Variants in RBFOX1 observed in about 807,000 individuals in gnomAD.
The protein encoded by RBFOX1 is RNA binding protein fox-1 homolog 1.
RBFOX1 carries 8 observed loss-of-function variants against 57.7 expected under a neutral mutation model. The ratio of observed to expected loss-of-function variants is 0.14; its 90% confidence interval spans 0.08 to 0.25. RBFOX1 has a LOEUF of 0.25. RBFOX1 is among the 10% of genes least tolerant of loss of function. The pLI, the probability that RBFOX1 is intolerant of heterozygous loss-of-function variation, is 1.00. For missense variants in RBFOX1, 611 were observed against 548.5 expected (o/e 1.11, Z -1.14); for synonymous variants, 326 against 222.4 (o/e 1.47, Z -4.15).
rs143922106 is a variant in RBFOX1 at position 6,297,624 on chromosome 16, G to T, written c.-126-19371G>T. 4.3e-3 allele frequency among the ~76,000 whole-genome samples: 658 copies of T among 152,182 alleles called. 5 individuals carry two copies. Among genetic ancestry groups the T allele is most frequent in the African/African-American group, 0.015 (640 of 41,518 alleles). On this transcript the variant is annotated intron_variant, in intron 1 of 15. Coordinates refer to ENST00000550418, the MANE Select transcript of RBFOX1 (RefSeq NM_018723.4). ...TTCACCCTCAAGCCTGGATACTTGT[G>T]GCCTTAAATAGCAACAGACATTCCT...
chr16:6,068,384 C>T (rs923106970), intron 1 of RBFOX1, among the ~76,000 whole-genome samples: 5 of 152,168 alleles, frequency 3.3e-5, no homozygotes, highest in African/African-American at 1.2e-4. Flanking sequence ...AGAGCCAGTG[C>T]CTTTATACAA....
At chr16:7,021,740 T>G (rs1435083167) in intron 3 of RBFOX1, among the ~76,000 whole-genome samples, 2 of 150,748 alleles carry the variant, frequency 1.3e-5, no homozygotes, top group East Asian at 3.9e-4. Context: ...AAAATGACCC[T>G]AAAAACAAGA....
At chr16:5,848,549 A>G (rs1454254431) in intron 3 of RBFOX1, among the ~76,000 whole-genome samples, 1 of 152,236 alleles carries the variant, frequency 6.6e-6, no homozygotes, top group Admixed American at 6.5e-5. Flanking sequence ...TATACCCAGC[A>G]CAATCATCCT....
chr16:6,386,836 G>A (rs1452393383), intron 2 of RBFOX1, among the ~76,000 whole-genome samples: 2 of 152,222 alleles, frequency 1.3e-5, no homozygotes, highest in Non-Finnish European at 2.9e-5. Context: ...CAAGGGGCCA[G>A]ATAGGGCTGG....
chr16:6,500,990 G>A (rs1340088616), intron 2 of RBFOX1, among the ~76,000 whole-genome samples: 1 of 150,190 alleles, frequency 6.7e-6, no homozygotes, highest in African/African-American at 2.5e-5. Context: ...TATCCTTCCT[G>A]GCAGAGCCCC....
intron 1 of RBFOX1, among the ~76,000 whole-genome samples, chr16:6,251,795 G>A (rs985091202): frequency 2.6e-5 from 4 of 151,886 alleles, no homozygotes; most frequent in Non-Finnish European, 5.9e-5. Context: ...ACTTCACTTC[G>A]GGACTTCTCA....
intron 2 of RBFOX1, among the ~76,000 whole-genome samples, chr16:6,437,877 C>G (rs2094280209): frequency 6.6e-6 from 1 of 152,192 alleles, no homozygotes; most frequent in Non-Finnish European, 1.5e-5. Context: ...CACCAGCTCC[C>G]TCCTCCAACA....
In RBFOX1 at chr16:7,213,557, C is replaced by CAA. The variant is rs34274577; in HGVS notation, c.27+161469_27+161470dup. Among the ~76,000 whole-genome samples, 5 of 144,872 alleles carry CAA rather than the reference C, an allele frequency of 3.5e-5. No homozygotes were observed. In the East Asian group the frequency reaches 8.1e-4, roughly 23 times the overall value. ...AATTCTCAAAGGGATCCTCTAATGC[C>CAA]AAAAAAAAAAACACAAACAAGGTGG... On this transcript the variant is annotated intron_variant, in intron 4 of 15. Transcript: ENST00000550418.
Position 7,652,837 on chromosome 16 carries a change from A to T in RBFOX1, c.758-978A>T, listed in dbSNP as rs1387403921. 2.6e-5 allele frequency among the ~76,000 whole-genome samples: 4 copies of T among 152,194 alleles called. No homozygotes were observed. The South Asian group carries it at 8.3e-4, about 31-fold the overall frequency. ...AGATGTTGGTAATAAGCTGTTTCTCATGGCATGTGTGGTTTGTGCACTCAT... is the reference window on the plus strand; with the variant it reads ...AGATGTTGGTAATAAGCTGTTTCTCTTGGCATGTGTGGTTTGTGCACTCAT... On this transcript the variant is annotated intron_variant, in intron 11 of 15. Coordinates refer to ENST00000550418, the MANE Select transcript of RBFOX1 (RefSeq NM_018723.4).
intron 3 of RBFOX1, among the ~76,000 whole-genome samples, chr16:5,741,980 C>T (rs573661357): frequency 6.6e-6 from 1 of 152,294 alleles, no homozygotes; most frequent in African/African-American, 2.4e-5. Flanking sequence ...AAATACTCCT[C>T]TCTTCTCAGT....
chr16:7,470,581 T>C (rs562231604), intron 4 of RBFOX1, among the ~76,000 whole-genome samples: 2 of 151,720 alleles, frequency 1.3e-5, no homozygotes. Context: ...GATGGATGGA[T>C]GGATGGATGG....
chr16:7,224,070 G>C (rs986874070), intron 4 of RBFOX1, among the ~76,000 whole-genome samples: 2 of 140,638 alleles, frequency 1.4e-5, no homozygotes, highest in African/African-American at 5.4e-5. Flanking sequence ...GGTTGCTTAG[G>C]CTCGTTGTTC....
chr16:7,519,542 T>G (rs79029996), intron 5 of RBFOX1: 1 of 237,950 alleles, frequency 4.2e-6, no homozygotes, highest in Non-Finnish European at 6.8e-6. Context: ...CAAATATAAC[T>G]CTAAATGAAA....
chr16:6,883,593 A>C (rs1252402202), intron 3 of RBFOX1, among the ~76,000 whole-genome samples: 1 of 152,234 alleles, frequency 6.6e-6, no homozygotes, highest in East Asian at 1.9e-4. Flanking sequence ...ATATTGAAGT[A>C]ACACCCTCAA....
intron 1 of RBFOX1, among the ~76,000 whole-genome samples, chr16:6,176,384 C>G (rs572255723): frequency 6.9e-6 from 1 of 145,736 alleles, no homozygotes; most frequent in Non-Finnish European, 1.5e-5. Flanking sequence ...GTCTCAAACT[C>G]CTGACCTCAG....
chr16:6,740,378 G>A (rs1361847095), intron 3 of RBFOX1, among the ~76,000 whole-genome samples: 18 of 151,952 alleles, frequency 1.2e-4, no homozygotes, highest in East Asian at 3.9e-4. Context: ...AACATAGTAG[G>A]GAATTTCTAA....
At chr16:7,551,304 G>A (rs79827707) in intron 5 of RBFOX1, among the ~76,000 whole-genome samples, 4,498 of 152,126 alleles carry the variant, frequency 0.03, 201 homozygotes, top group African/African-American at 0.1. Context: ...ACAAGCAACA[G>A]TGATTTCAGA....
intron 3 of RBFOX1, among the ~76,000 whole-genome samples, chr16:6,901,629 T>C (rs571887810): frequency 1.3e-5 from 2 of 152,348 alleles, no homozygotes; most frequent in East Asian, 3.9e-4. Flanking sequence ...TTGCAAAATC[T>C]GTTTCTGGTA....
chr16:6,812,814 G>A (rs996503041), intron 3 of RBFOX1, among the ~76,000 whole-genome samples: 4 of 152,124 alleles, frequency 2.6e-5, no homozygotes, highest in African/African-American at 9.7e-5. Flanking sequence ...TACTCCATTA[G>A]GTTTTGCATA....
Sources: gnomAD v4.1 joint callset for allele counts (sites outside exome capture counted in the v4.1 genomes callset) on GRCh38, gnomAD v4.1.1 for gene constraint, MANE v1.5 for transcripts, NCBI Gene and HGNC (gene_info 2026-07-23, HGNC 2026-07-21) for gene names.